STAG1: variants seen among roughly 807,000 people sequenced by gnomAD.
The protein encoded by STAG1 is STAG1 cohesin complex component.
Under a neutral mutation model 170.9 loss-of-function variants are expected in STAG1, and 26 were observed. The ratio of observed to expected loss-of-function variants is 0.15; its 90% CI spans 0.11 to 0.21. The LOEUF (loss-of-function observed/expected upper bound fraction) is 0.21. STAG1 is among the 10% of genes least tolerant of loss of function. The pLI, the probability that STAG1 is intolerant of heterozygous loss-of-function variation, is 1.00. For missense variants in STAG1, 964 were observed against 1,509.5 expected (o/e 0.64, Z 5.99); for synonymous variants, 514 against 497.7 (o/e 1.03, Z -0.44).
At chr3:136,414,719 A>G (rs1228483106) in intron 21 of STAG1, among the ~76,000 whole-genome samples, 1 of 152,188 alleles carries the variant, frequency 6.6e-6, no homozygotes, top group East Asian at 1.9e-4. Context: ...GTCACTTTCT[A>G]TGGCAGCCAC....
At chr3:136,712,106 C>T (rs775205825) in intron 1 of STAG1, among the ~76,000 whole-genome samples, 3 of 152,196 alleles carry the variant, frequency 2.0e-5, no homozygotes, top group Non-Finnish European at 2.9e-5. Context: ...CAACCTCTGC[C>T]TACCCAATTC....
In STAG1 at chr3:136,421,121, T is replaced by C; in HGVS notation, c.2080A>G (p.Thr694Ala). 1 of 1,606,824 alleles carries C rather than the reference T, an allele frequency of 6.2e-7. No individual in the cohort carries two copies. The highest frequency in any genetic ancestry group is 8.5e-7 in the Non-Finnish European group (1 of 1,176,866). Residue 694 changes from threonine to alanine, a missense_variant, in exon 20 of 34, where the codon ACA becomes GCA. By Grantham distance (58) the Thr-to-Ala change is moderately conservative. This residue lies in a region of STAG1 where 232 missense variants were observed against 313.0 expected (regional missense o/e 0.74). Transcript: ENST00000383202. ...TGAAAAGAAGTTAACCGCTTTAATG[T>C]AGAAAGAACATTGTAAATGTCATCA... ...DDDDIYNVLS[T>A]LKRLTSFHNA...
chr3:136,700,338 A>G (rs1467244354), intron 1 of STAG1, among the ~76,000 whole-genome samples: 1 of 151,694 alleles, frequency 6.6e-6, no homozygotes, highest in African/African-American at 2.4e-5. Flanking sequence ...GGTCTGCTGA[A>G]TAACTAAAAG....
intron 1 of STAG1, among the ~76,000 whole-genome samples, chr3:136,665,903 G>A (rs1198770273): frequency 2.0e-5 from 3 of 150,062 alleles, no homozygotes; most frequent in Admixed American, 6.7e-5. Context: ...GTGAAACCCC[G>A]TCTCCACTAA....
intron 7 of STAG1, among the ~76,000 whole-genome samples, chr3:136,508,130 ACAAGGTACAGTGTAATGGTT>A (rs995250037): frequency 3.9e-5 from 6 of 152,198 alleles, no homozygotes; most frequent in Admixed American, 3.3e-4. Flanking sequence ...ACGTGAGGGA[ACAAGGTACAGTGTAATGGTT>A]AGTCTTATGT....
intron 3 of STAG1, among the ~76,000 whole-genome samples, chr3:136,620,054 A>C (rs1939777253): frequency 6.6e-6 from 1 of 152,130 alleles, no homozygotes; most frequent in Middle Eastern, 3.2e-3. Flanking sequence ...TGACAGAGTG[A>C]GATCCTGTCT....
intron 21 of STAG1, among the ~76,000 whole-genome samples, chr3:136,402,162 A>T (rs1166465607): frequency 1.3e-5 from 2 of 152,196 alleles, no homozygotes; most frequent in Non-Finnish European, 2.9e-5. Context: ...AAAATCAATA[A>T]GTAGAATGCT....
rs1004841913 is a variant in STAG1 at position 136,376,385 on chromosome 3, C to T, written c.2370+1275G>A. Reference sequence around the variant, plus strand: ...ACAGTACTTCCCTGGCCCACCCTGACCCCCACCCTGACCCTCTTTGGGCTG... The same window carrying T: ...ACAGTACTTCCCTGGCCCACCCTGATCCCCACCCTGACCCTCTTTGGGCTG... On this transcript the variant is annotated intron_variant, in intron 23 of 33. Transcript: ENST00000383202. Among the ~76,000 whole-genome samples the T allele has an allele frequency of 4.6e-5, 7 of 151,620 alleles. No individual in the cohort carries two copies. The South Asian group carries it at 1.5e-3, about 32-fold the overall frequency.
intron 19 of STAG1, among the ~76,000 whole-genome samples, chr3:136,422,007 C>T (rs909511460): frequency 2.0e-5 from 3 of 151,722 alleles, no homozygotes; most frequent in Admixed American, 6.6e-5. Flanking sequence ...AACAGCCAAG[C>T]GTGGTGACAG....
At chr3:136,688,677 C>T (rs1454716370) in intron 1 of STAG1, among the ~76,000 whole-genome samples, 2 of 152,222 alleles carry the variant, frequency 1.3e-5, no homozygotes, top group Non-Finnish European at 2.9e-5. Flanking sequence ...CAGGCAGGAG[C>T]CACCACGCCT....
intron 9 of STAG1, among the ~76,000 whole-genome samples, chr3:136,487,885 C>T (rs944537535): frequency 7.2e-5 from 11 of 152,168 alleles, no homozygotes; most frequent in African/African-American, 2.2e-4. Context: ...GGAAAGCCAC[C>T]GGCTATGTCT....
intron 4 of STAG1, among the ~76,000 whole-genome samples, chr3:136,598,677 C>T (rs544430105): frequency 6.6e-6 from 1 of 152,104 alleles, no homozygotes; most frequent in South Asian, 2.1e-4. Context: ...CTGCCCACCT[C>T]GGCCTCCCCA....
intron 21 of STAG1, among the ~76,000 whole-genome samples, chr3:136,402,823 T>TA (rs1187122768): frequency 6.6e-6 from 1 of 151,310 alleles, no homozygotes; most frequent in Non-Finnish European, 1.5e-5. Context: ...AGACTCTGTC[T>TA]AAAAAAGAAA....
intron 6 of STAG1, among the ~76,000 whole-genome samples, chr3:136,528,008 T>TC (rs1234990621): frequency 6.6e-6 from 1 of 152,146 alleles, no homozygotes; most frequent in Non-Finnish European, 1.5e-5. Context: ...TGGGGATGCC[T>TC]CCCAGTTAGG....
chr3:136,649,175 T>C (rs1941130118), intron 1 of STAG1, among the ~76,000 whole-genome samples: 2 of 152,150 alleles, frequency 1.3e-5, no homozygotes, highest in South Asian at 4.1e-4. Flanking sequence ...TTTTGTTTGT[T>C]AATTGAAAGG....
At chr3:136,545,767 A>C (rs1936131168) in intron 5 of STAG1, among the ~76,000 whole-genome samples, 1 of 152,174 alleles carries the variant, frequency 6.6e-6, no homozygotes, top group African/African-American at 2.4e-5. Flanking sequence ...GATACTTATA[A>C]ATTTTTTAGA....
chr3:136,703,943 C>A (rs372737700), intron 1 of STAG1, among the ~76,000 whole-genome samples: 6 of 151,572 alleles, frequency 4.0e-5, no homozygotes, highest in Non-Finnish European at 7.4e-5. Context: ...ACCTGGGAGG[C>A]GGAGGTTGCA....
chr3:136,363,767 G>GT (rs1308838124), intron 25 of STAG1, among the ~76,000 whole-genome samples: 3 of 152,076 alleles, frequency 2.0e-5, no homozygotes, highest in Non-Finnish European at 4.4e-5. Context: ...CCCCATTCTT[G>GT]TTTTTTCTTG....
At position 136,417,868 on chromosome 3, in the gene STAG1, T is replaced by C. The variant is rs1229666956; in HGVS notation, c.2196+17A>G. 1.9e-6 allele frequency: 3 copies of C among 1,594,768 alleles called. No individual in the cohort carries two copies. Among genetic ancestry groups the C allele is most frequent in the Non-Finnish European group, 2.6e-6 (3 of 1,162,406 alleles). On this transcript the variant is annotated intron_variant, in intron 21 of 33. Transcript: ENST00000383202. ...ACTTTCTAGAGTCATACAGAAGGAA[T>C]ACCAATAAACTCCTACCTGTTCTGG...
Sources: allele counts gnomAD v4.1 joint callset (sites outside exome capture counted in the v4.1 genomes callset), GRCh38; gene constraint gnomAD v4.1.1; regional missense constraint gnomAD v4.1.1; transcripts MANE v1.5; gene names NCBI Gene and HGNC (gene_info 2026-07-23, HGNC 2026-07-21).